The following LEPR variants were observed in gnomAD, a reference collection of about 807,000 sequenced individuals.
LEPR encodes OB receptor.
Under a neutral mutation model 114.7 loss-of-function variants are expected in LEPR, and 56 were observed. The observed-to-expected ratio is 0.49, with a 90% CI of 0.39 to 0.61. LEPR has a LOEUF of 0.61. Among genes scored for constraint, LEPR ranks in the 20% least tolerant of loss-of-function variants. LEPR has a pLI of 0.00. For synonymous variants in LEPR, 443 were observed against 461.4 expected, an observed-to-expected ratio of 0.96 and a Z score of 0.51; for missense variants, 1,202 against 1,352.9, an observed-to-expected ratio of 0.89 and a Z score of 1.75.
intron 19 of LEPR, chr1:65,626,148 T>G (rs1658198347): frequency 2.5e-6 from 4 of 1,612,398 alleles, no homozygotes; most frequent in Middle Eastern, 1.6e-4. Flanking sequence ...AAGGAACTAC[T>G]GGGTGGAGGT....
intron 2 of LEPR, among the ~76,000 whole-genome samples, chr1:65,469,997 C>T (rs1647063468): frequency 6.6e-6 from 1 of 152,194 alleles, no homozygotes; most frequent in African/African-American, 2.4e-5. Context: ...GCGTGGCATA[C>T]AGCCAACAAA....
intron 2 of LEPR, among the ~76,000 whole-genome samples, chr1:65,509,328 G>C (rs1648912914): frequency 6.6e-6 from 1 of 152,138 alleles, no homozygotes; most frequent in Non-Finnish European, 1.5e-5. Context: ...TGGGTTTGGT[G>C]TGTATGGCCT....
intron 3 of LEPR, 79 bp downstream of exon 3, chr1:65,565,684 A>G (rs1237166953): frequency 6.7e-7 from 1 of 1,503,608 alleles, no homozygotes; most frequent in East Asian, 2.3e-5. Context: ...TGTTTTATTT[A>G]TTAGCTAACA....
Position 65,534,148 on chromosome 1 carries a change from GCTTT to G in LEPR, c.-20-31393_-20-31390del, listed in dbSNP as rs539506119. On this transcript the variant is annotated intron_variant, in intron 2 of 19. Coordinates refer to ENST00000349533, the MANE Select transcript of LEPR (RefSeq NM_002303.6). ...ATATTGAGGCTTGTATTTACTTTCT[GCTTT>G]CTTTATTTGCCCATAATTCTGGTTA... Among the ~76,000 whole-genome samples the G allele has an allele frequency of 2.0e-5, 3 of 151,978 alleles. No individual in the cohort carries two copies. In the South Asian group the frequency reaches 6.2e-4, roughly 32 times the overall value.
At chr1:65,440,024 AG>A (rs746321714) in intron 2 of LEPR, among the ~76,000 whole-genome samples, 2 of 146,326 alleles carry the variant, frequency 1.4e-5, no homozygotes, top group Non-Finnish European at 3.0e-5. Context: ...AAAAAAAAAA[AG>A]AAAAAGAAAA....
At chr1:65,483,922 A>T (rs1647344186) in intron 2 of LEPR, among the ~76,000 whole-genome samples, 1 of 151,152 alleles carries the variant, frequency 6.6e-6, no homozygotes, top group African/African-American at 2.4e-5. Flanking sequence ...TACATTTTAA[A>T]TTTTTAATTT....
intron 2 of LEPR, among the ~76,000 whole-genome samples, chr1:65,488,497 A>G (rs1256234604): frequency 3.3e-5 from 5 of 150,802 alleles, no homozygotes; most frequent in African/African-American, 7.3e-5. Flanking sequence ...GTACCTGGCT[A>G]ATTTTTGTAT....
Position 65,636,883 on chromosome 1 carries a change from C to T in LEPR, c.3366C>T (p.His1122=). 6.2e-7 allele frequency: 1 copy of T among 1,606,790 alleles called. No homozygotes were observed. ...DIRVLQDSCS[H]FVENNINLGT... ...GAGTTCTCCAGGACAGTTGCTCACACTTTGTAGAAAATAATATCAACTTAG... is the reference window on the plus strand; with the variant it reads ...GAGTTCTCCAGGACAGTTGCTCACATTTTGTAGAAAATAATATCAACTTAG... The change falls in exon 20 of 20, where the codon CAC becomes CAT. Residue 1122 remains histidine, a synonymous_variant. Coordinates refer to ENST00000349533, the MANE Select transcript of LEPR (RefSeq NM_002303.6).
chr1:65,601,581 A>G lies in LEPR; in HGVS notation c.1184A>G (p.Asn395Ser), dbSNP rs774852532. ...SDHVSKVTFF[N>S]LNETKPRGKF... ...CATGTTAGCAAAGTTACTTTTTTCA[A>G]TCTGAATGAAACCAAACCTCGAGGA... The change falls in exon 9 of 20, where the codon AAT becomes AGT. Residue 395 changes from asparagine (N) to serine (S), a missense_variant. Physicochemically the swap from Asn to Ser is conservative, Grantham distance 46 (BLOSUM62 1). Coordinates refer to ENST00000349533, the MANE Select transcript of LEPR (RefSeq NM_002303.6). 11 of 1,613,772 alleles carry G rather than the reference A, an allele frequency of 6.8e-6. No individual in the cohort carries two copies. The South Asian group carries it at 1.2e-4, about 18-fold the overall frequency.
At position 65,599,027 on chromosome 1, in the gene LEPR, C is replaced by T. The variant is rs3828033; in HGVS notation, c.994+223C>T. 0.45 allele frequency among the ~76,000 whole-genome samples: 68,735 copies of T among 151,872 alleles called. 16,809 individuals are homozygous for T. The highest frequency in any genetic ancestry group is 0.87 in the East Asian group (4,517 of 5,166). On this transcript the variant is annotated intron_variant, in intron 8 of 19. Coordinates refer to ENST00000349533, the MANE Select transcript of LEPR (RefSeq NM_002303.6). ...GCAGTATATTGTAGGATCACTTTTC[C>T]TATTAAAAAGAAAAAATTAATATAA...
chr1:65,504,549 C>T (rs577342507), intron 2 of LEPR, among the ~76,000 whole-genome samples: 1 of 152,240 alleles, frequency 6.6e-6, no homozygotes, highest in South Asian at 2.1e-4. Flanking sequence ...AAGCAAATCA[C>T]AATTGAGGGG....
chr1:65,461,397 A>G (rs1646944188), intron 2 of LEPR, among the ~76,000 whole-genome samples: 1 of 152,222 alleles, frequency 6.6e-6, no homozygotes, highest in Non-Finnish European at 1.5e-5. Flanking sequence ...GGCATAAGGA[A>G]GTGTTCAGAA....
At chr1:65,440,328 C>T (rs1199653505) in intron 2 of LEPR, among the ~76,000 whole-genome samples, 1 of 150,516 alleles carries the variant, frequency 6.6e-6, no homozygotes, top group Non-Finnish European at 1.5e-5. Flanking sequence ...GTAAATAAAA[C>T]AGACAAAACC....
intron 16 of LEPR, among the ~76,000 whole-genome samples, 166 bp downstream of exon 16, chr1:65,618,312 C>CCTTTT (rs1553172529): frequency 4.0e-5 from 6 of 150,148 alleles, no homozygotes; most frequent in African/African-American, 1.5e-4. Flanking sequence ...TAATTCTCTT[C>CCTTTT]CTCTTCTCTT....
chr1:65,422,630 C>T (rs751249216), intron 1 of LEPR, among the ~76,000 whole-genome samples: 2 of 152,224 alleles, frequency 1.3e-5, no homozygotes, highest in Non-Finnish European at 2.9e-5. Flanking sequence ...TGTGGCTTCC[C>T]TTGGCAAGGC....
chr1:65,571,163 C>T (rs561295421), intron 4 of LEPR, among the ~76,000 whole-genome samples: 1 of 152,064 alleles, frequency 6.6e-6, no homozygotes, highest in East Asian at 1.9e-4. Context: ...ATTCTTCAGG[C>T]AAGGAATATC....
chr1:65,611,930 G>A (rs1024037317), intron 14 of LEPR, among the ~76,000 whole-genome samples: 8 of 152,300 alleles, frequency 5.3e-5, no homozygotes, highest in Admixed American at 4.6e-4. Context: ...AGCTCTATGG[G>A]TTCTTTAGGG....
intron 2 of LEPR, among the ~76,000 whole-genome samples, chr1:65,465,252 A>T (rs1013759931): frequency 1.3e-5 from 2 of 152,218 alleles, no homozygotes; most frequent in African/African-American, 2.4e-5. Context: ...TTCAAAGAAC[A>T]TCTTCATTTC....
intron 5 of LEPR, among the ~76,000 whole-genome samples, chr1:65,572,695 T>G (rs1385766163): frequency 6.6e-6 from 1 of 152,152 alleles, no homozygotes; most frequent in Non-Finnish European, 1.5e-5. Context: ...CAGTTCAAGT[T>G]CAGGTTCTAG....
Sources: gnomAD v4.1 joint callset for allele counts (sites outside exome capture counted in the v4.1 genomes callset) on GRCh38, gnomAD v4.1.1 for gene constraint, MANE v1.5 for transcripts, NCBI Gene and HGNC (gene_info 2026-07-23, HGNC 2026-07-21) for gene names.